Variants in CTNNA2 observed in about 807,000 individuals in gnomAD.
CTNNA2 encodes catenin alpha-2.
In CTNNA2, 42 loss-of-function variants were observed where a neutral mutation model predicts 101.0. The ratio of observed to expected loss-of-function variants is 0.42; its 90% confidence interval spans 0.32 to 0.54. The LOEUF is 0.54. Ranked by LOEUF, CTNNA2 falls within the 20% of genes least tolerant of loss-of-function variation. CTNNA2 has a pLI of 0.14. For synonymous variants in CTNNA2, 450 were observed against 456.4 expected, an observed-to-expected ratio of 0.99 and a Z score of 0.18; for missense variants, 871 against 1,223.1, an observed-to-expected ratio of 0.71 and a Z score of 4.29.
intron 2 of CTNNA2, among the ~76,000 whole-genome samples, chr2:79,222,829 C>T (rs1254597117): frequency 6.6e-6 from 1 of 152,068 alleles, no homozygotes; most frequent in Non-Finnish European, 1.5e-5. Context: ...GTGGAGCTCT[C>T]ATGAATGGCA....
rs554925198 is a variant in CTNNA2 at position 79,220,202 on chromosome 2, A to G, written c.-406+22126A>G. ...TATATATATATGTGTGTGTGTGTGT[A>G]TATATATGTAAATGTATATTGAATA... On this transcript the variant is annotated intron_variant, in intron 2 of 21. Transcript: ENST00000466387. 5.0e-4 allele frequency among the ~76,000 whole-genome samples: 76 copies of G among 150,662 alleles called. 1 individual carries two copies. Among genetic ancestry groups the G allele is most frequent in the East Asian group, 2.3e-3 (11 of 4,874 alleles).
intron 7 of CTNNA2, among the ~76,000 whole-genome samples, chr2:80,225,032 C>A (rs150486907): frequency 6.7e-4 from 102 of 152,240 alleles, no homozygotes; most frequent in African/African-American, 2.3e-3. Flanking sequence ...ATCACATGGA[C>A]CCCATTCTAG....
At chr2:80,379,081 A>T (rs1676265253) in intron 7 of CTNNA2, among the ~76,000 whole-genome samples, 1 of 152,100 alleles carries the variant, frequency 6.6e-6, no homozygotes, top group Non-Finnish European at 1.5e-5. Flanking sequence ...AAAGGTTGGG[A>T]TCATAGAAAG....
intron 1 of CTNNA2, among the ~76,000 whole-genome samples, chr2:79,581,546 A>G (rs1003145386): frequency 6.6e-6 from 1 of 152,052 alleles, no homozygotes; most frequent in Admixed American, 6.6e-5. Context: ...AAAAGGTAAC[A>G]TACTAGTTTC....
intron 4 of CTNNA2, among the ~76,000 whole-genome samples, chr2:79,453,826 G>C (rs1037985020): frequency 6.6e-6 from 1 of 152,106 alleles, no homozygotes; most frequent in Non-Finnish European, 1.5e-5. Context: ...CTTTGGAGAT[G>C]TATGAGAGGC....
chr2:79,469,861 C>G (rs543401724), intron 4 of CTNNA2, among the ~76,000 whole-genome samples: 1 of 152,122 alleles, frequency 6.6e-6, no homozygotes, highest in Admixed American at 6.6e-5. Context: ...AATAAATTAG[C>G]TATTGATGGG....
At chr2:79,198,279 A>G (rs1370548450) in intron 2 of CTNNA2, among the ~76,000 whole-genome samples, 1 of 152,260 alleles carries the variant, frequency 6.6e-6, no homozygotes, top group Non-Finnish European at 1.5e-5. Context: ...TGAGAAAGGT[A>G]AAAATACATT....
rs952272333 is a variant in CTNNA2, at chr2:79,934,754, A to G, written c.1056+24957A>G. Among the ~76,000 whole-genome samples the G allele has an allele frequency of 9.2e-5, 14 of 152,356 alleles. No homozygotes were observed. In the East Asian group the frequency reaches 2.5e-3, roughly 27 times the overall value. On this transcript the variant is annotated intron_variant, in intron 7 of 18. Coordinates refer to ENST00000402739, the MANE Select transcript of CTNNA2 (RefSeq NM_001282597.3). ...GCTCTTCCTCATTTCCCCCCAAAAA[A>G]GACATGGGACCCTTTGGTGTAATGA...
intron 1 of CTNNA2, among the ~76,000 whole-genome samples, chr2:79,613,604 A>G (rs548504624): frequency 1.3e-5 from 2 of 152,300 alleles, no homozygotes; most frequent in East Asian, 1.9e-4. Flanking sequence ...AGGATAGACT[A>G]TCAACAATAA....
rs899561074 is a variant in CTNNA2 at position 80,250,193 on chromosome 2, G to T, written c.1057-143018G>T. On this transcript the variant is annotated intron_variant, in intron 7 of 18. Transcript: ENST00000402739. ...ATACATGGATGGGGGGAGAGAGAGA[G>T]AGAGAGAGAGAGTGTGTGTGTGTGT... Among the ~76,000 whole-genome samples, 434 of 144,014 alleles carry T rather than the reference G, an allele frequency of 3.0e-3. 2 individuals are homozygous for T. The highest frequency in any genetic ancestry group is 0.012 in the African/African-American group (412 of 34,740). 94.5% of individuals were successfully genotyped at this position (144,014 alleles called of 152,430 possible).
chr2:79,412,261 A>T (rs1232651049), intron 4 of CTNNA2, among the ~76,000 whole-genome samples: 3 of 151,922 alleles, frequency 2.0e-5, no homozygotes, highest in Non-Finnish European at 4.4e-5. Context: ...CTTAGAGACC[A>T]ACAAAGAGAC....
At chr2:80,607,081 T>C (rs1698093225) in intron 16 of CTNNA2, among the ~76,000 whole-genome samples, 1 of 151,910 alleles carries the variant, frequency 6.6e-6, no homozygotes, top group South Asian at 2.1e-4. Context: ...ATTCAGTAGA[T>C]GGTTATATGT....
chr2:80,115,095 G>T (rs999316192), intron 7 of CTNNA2, among the ~76,000 whole-genome samples: 3 of 152,172 alleles, frequency 2.0e-5, no homozygotes, highest in Admixed American at 2.0e-4. Flanking sequence ...GGATGTCTGG[G>T]GGCCAGTGAT....
intron 2 of CTNNA2, among the ~76,000 whole-genome samples, chr2:79,731,101 G>C (rs1353160692): frequency 1.3e-5 from 2 of 151,894 alleles, no homozygotes; most frequent in Non-Finnish European, 2.9e-5. Context: ...CAAAATATGG[G>C]TTTGTTTGTT....
intron 17 of CTNNA2, 42 bp from the exon 18 acceptor site, chr2:80,619,043 T>G: frequency 7.5e-6 from 9 of 1,203,408 alleles, no homozygotes; most frequent in Admixed American, 3.3e-5. Context: ...TTTCTTTTGC[T>G]CTCTCTCTCA....
chr2:80,461,315 G>A (rs11904792), intron 9 of CTNNA2, among the ~76,000 whole-genome samples: 4,681 of 152,138 alleles, frequency 0.031, 242 homozygotes, highest in African/African-American at 0.11. Context: ...CAAGAATCCT[G>A]TTATGTTGGA....
intron 7 of CTNNA2, among the ~76,000 whole-genome samples, chr2:80,281,080 G>T (rs553226235): frequency 6.6e-6 from 1 of 152,190 alleles, no homozygotes; most frequent in African/African-American, 2.4e-5. Context: ...AATGCTATTG[G>T]CTATTAGCTA....
intron 7 of CTNNA2, among the ~76,000 whole-genome samples, chr2:80,066,370 A>G (rs1392688461): frequency 6.6e-6 from 1 of 152,120 alleles, no homozygotes; most frequent in East Asian, 1.9e-4. Context: ...AATTCAAACA[A>G]TAGCAAAAAA....
At chr2:79,536,161 A>G (rs754734054) in intron 1 of CTNNA2, among the ~76,000 whole-genome samples, 2 of 152,214 alleles carry the variant, frequency 1.3e-5, no homozygotes, top group Non-Finnish European at 2.9e-5. Flanking sequence ...ATATACAAAG[A>G]AAGCCATACC....
Sources: gnomAD v4.1 joint callset for allele counts (sites outside exome capture counted in the v4.1 genomes callset) on GRCh38, gnomAD v4.1.1 for gene constraint, MANE v1.5 for transcripts, NCBI Gene and HGNC (gene_info 2026-07-23, HGNC 2026-07-21) for gene names.